Variants in PRKCH observed in about 807,000 individuals in gnomAD.
PRKCH encodes the protein protein kinase C eta.
In PRKCH, 28 loss-of-function variants were observed where a neutral mutation model predicts 82.5. The observed-to-expected ratio is 0.34, with a 90% CI of 0.25 to 0.47. PRKCH has a LOEUF of 0.47. Ranked by LOEUF, PRKCH falls within the 20% of genes least tolerant of loss-of-function variation. The pLI, the probability that PRKCH is intolerant of heterozygous loss-of-function variation, is 1.00. For missense variants in PRKCH, 705 were observed against 881.8 expected, an observed-to-expected ratio of 0.80 and a Z score of 2.54; for synonymous variants, 322 against 327.4, an observed-to-expected ratio of 0.98 and a Z score of 0.18.
intron 2 of PRKCH, among the ~76,000 whole-genome samples, chr14:61,414,555 G>A (rs1441141691): frequency 6.6e-6 from 1 of 150,984 alleles, no homozygotes; most frequent in African/African-American, 2.4e-5. Context: ...TTACAGGCAT[G>A]AGCCACTGTG....
rs1034782833 is a variant in PRKCH, at chr14:61,468,816, C to T, written c.1278+11137C>T. On this transcript the variant is annotated intron_variant, in intron 9 of 13. Coordinates refer to ENST00000332981, the MANE Select transcript of PRKCH (RefSeq NM_006255.5). ...GTATAATTTAAATCTTTGATGTAAC[C>T]AGAACACAACCCAGGTCACACTTTG... 2.0e-5 allele frequency among the ~76,000 whole-genome samples: 3 copies of T among 152,130 alleles called. No homozygotes were observed. The South Asian group carries it at 6.2e-4, about 32-fold the overall frequency.
chr14:61,409,876 G>T (rs1882179378), intron 2 of PRKCH, among the ~76,000 whole-genome samples: 1 of 152,126 alleles, frequency 6.6e-6, no homozygotes, highest in African/African-American at 2.4e-5. Context: ...AGGCAGCATT[G>T]CCCCTGTCGT....
At chr14:61,547,633 C>A (rs2043275278) in intron 12 of PRKCH, 110 bp from the exon 13 acceptor site, 2 of 1,383,012 alleles carry the variant, frequency 1.4e-6, no homozygotes, top group Admixed American at 2.2e-5. Context: ...TTAAGCAAGA[C>A]CTGCCAGAAA....
intron 12 of PRKCH, among the ~76,000 whole-genome samples, chr14:61,546,721 C>A (rs1357897408): frequency 6.6e-6 from 1 of 152,196 alleles, no homozygotes; most frequent in Non-Finnish European, 1.5e-5. Context: ...GAAAGAGGTG[C>A]TTGGGGACTG....
intron 12 of PRKCH, among the ~76,000 whole-genome samples, chr14:61,540,076 A>G (rs542126663): frequency 3.5e-4 from 54 of 152,202 alleles, no homozygotes; most frequent in Non-Finnish European, 7.1e-4. Context: ...GTGTCCTTCT[A>G]TCTTTTCCAG....
intron 1 of PRKCH, among the ~76,000 whole-genome samples, chr14:61,375,073 GC>G (rs1376275167): frequency 6.6e-6 from 1 of 152,022 alleles, no homozygotes; most frequent in Non-Finnish European, 1.5e-5. Flanking sequence ...TGAATGCTTT[GC>G]TGGTGAGGAA....
intron 10 of PRKCH, among the ~76,000 whole-genome samples, chr14:61,519,634 G>A (rs566005125): frequency 1.3e-3 from 203 of 151,488 alleles, no homozygotes; most frequent in Non-Finnish European, 2.2e-3. Flanking sequence ...TCTTGTATAC[G>A]TGGTCTTCAG....
In PRKCH at chr14:61,321,627, CG is replaced by C. The variant is rs1362826062; in HGVS notation, c.-473del. 1 of 153,078 alleles carries C rather than the reference CG, an allele frequency of 6.5e-6. No homozygotes were observed. Among genetic ancestry groups the C allele is most frequent in the Non-Finnish European group, 1.5e-5 (1 of 68,788 alleles). The allele number at this position is 153,078 out of a possible 1,614,324, so 9.5% of individuals were successfully genotyped here. On this transcript the variant is annotated 5_prime_UTR_variant, in exon 1 of 14. The change creates a premature stop within an existing upstream ORF in the 5' untranslated region. Coordinates refer to ENST00000332981, the MANE Select transcript of PRKCH (RefSeq NM_006255.5). The surrounding 1 kb of genome is among the most constrained non-coding windows in gnomAD (Gnocchi z 4.1). ...GAGGTTCTCGCCGGGGATGCGGCGG[CG>C]GCAGCTGCTTCCTGGTTTGAAGCTC...
At chr14:61,382,959 A>C (rs924679299) in intron 1 of PRKCH, among the ~76,000 whole-genome samples, 3 of 152,242 alleles carry the variant, frequency 2.0e-5, no homozygotes, top group Non-Finnish European at 2.9e-5. Context: ...ATCATGGAAC[A>C]TTACAGCTAG....
chr14:61,328,013 G>A (rs2045721871), intron 1 of PRKCH, among the ~76,000 whole-genome samples: 1 of 151,762 alleles, frequency 6.6e-6, no homozygotes, highest in Non-Finnish European at 1.5e-5. Flanking sequence ...CACTTTGGGA[G>A]GCCGAGGCGG....
intron 2 of PRKCH, among the ~76,000 whole-genome samples, chr14:61,432,968 A>G (rs1594700402): frequency 7.0e-6 from 1 of 142,842 alleles, no homozygotes; most frequent in Non-Finnish European, 1.5e-5. Flanking sequence ...TTACATAAGT[A>G]TACGTGTACC....
rs565300593 is a variant in PRKCH, at chr14:61,541,268, C to T, written c.1762-6475C>T. On this transcript the variant is annotated intron_variant, in intron 12 of 13. Transcript: ENST00000332981. The stretch of plus-strand genomic sequence containing the variant: ...CAGCAGCATCCTTCAGACAGACACG[C>T]GCCTGCAACACGCATGCGTGGTGTG... Among the ~76,000 whole-genome samples the T allele has an allele frequency of 6.6e-5, 10 of 152,378 alleles. No individual in the cohort carries two copies. In the East Asian group the frequency reaches 1.7e-3, roughly 26 times the overall value.
chr14:61,365,029 A>G (rs1283908447), intron 1 of PRKCH, among the ~76,000 whole-genome samples: 2 of 151,996 alleles, frequency 1.3e-5, no homozygotes, highest in East Asian at 3.9e-4. Context: ...GGCCATGGGA[A>G]TGGCTGAGAG....
At chr14:61,409,151 C>A (rs1471417428) in intron 2 of PRKCH, among the ~76,000 whole-genome samples, 1 of 152,136 alleles carries the variant, frequency 6.6e-6, no homozygotes, top group Admixed American at 6.5e-5. Context: ...TGGTGAGGAC[C>A]GACTGTGCCA....
intron 1 of PRKCH, among the ~76,000 whole-genome samples, chr14:61,236,901 C>G (rs888912467): frequency 6.6e-6 from 1 of 151,974 alleles, no homozygotes; most frequent in Non-Finnish European, 1.5e-5. Flanking sequence ...GAATAATCCA[C>G]CCATTGTTTA....
intron 1 of PRKCH, among the ~76,000 whole-genome samples, chr14:61,193,557 CA>C (rs1229094010): frequency 1.3e-5 from 2 of 152,134 alleles, no homozygotes; most frequent in African/African-American, 4.8e-5. Context: ...TCATCCTGAT[CA>C]AAACCTAGAA....
intron 1 of PRKCH, among the ~76,000 whole-genome samples, chr14:61,272,605 C>G (rs1361520938): frequency 1.3e-5 from 2 of 152,024 alleles, no homozygotes; most frequent in East Asian, 3.9e-4. Flanking sequence ...ATCCACCTGC[C>G]TCGGCCTCCC....
intron 1 of PRKCH, chr14:61,278,947 G>A (rs575078713): frequency 3.4e-5 from 5 of 148,424 alleles, no homozygotes; most frequent in Non-Finnish European, 5.9e-5. Context: ...AGGTCCAAGG[G>A]AAAAGGTATG....
intron 10 of PRKCH, among the ~76,000 whole-genome samples, chr14:61,506,705 T>C (rs1050593876): frequency 1.3e-5 from 2 of 152,162 alleles, no homozygotes; most frequent in African/African-American, 4.8e-5. Flanking sequence ...ATCTTCCCTA[T>C]GGTCACTGGC....
Sources: allele counts gnomAD v4.1 joint callset (sites outside exome capture counted in the v4.1 genomes callset), GRCh38; gene constraint gnomAD v4.1.1; non-coding constraint Gnocchi (gnomAD v3.1); transcripts MANE v1.5; gene names NCBI Gene and HGNC (gene_info 2026-07-23, HGNC 2026-07-21).